Variants in TLX1 observed in about 807,000 individuals in gnomAD.
The protein encoded by TLX1 is T-cell leukemia homeobox protein 1.
Under a neutral mutation model 26.5 loss-of-function variants are expected in TLX1, and 6 were observed. That is an observed-to-expected ratio of 0.23 (90% CI 0.12 to 0.45). The LOEUF (loss-of-function observed/expected upper bound fraction) is 0.45, where lower values mean the gene tolerates loss of function less well. Among genes scored for constraint, TLX1 ranks in the 20% least tolerant of loss-of-function variants. TLX1 has a pLI of 0.99. For missense variants in TLX1, 418 were observed against 482.6 expected (o/e 0.87, Z 1.25); for synonymous variants, 217 against 219.7 (o/e 0.99, Z 0.11).
In TLX1 at chr10:101,136,774, A is replaced by G; in HGVS notation, c.854A>G (p.Lys285Arg). The G allele has an allele frequency of 6.2e-7, 1 of 1,613,408 alleles. No individual in the cohort carries two copies. Among genetic ancestry groups the G allele is most frequent in the Non-Finnish European group, 8.5e-7 (1 of 1,180,018 alleles). Residue 285 changes from lysine (K) to arginine (R), a missense_variant, in exon 3 of 3, where the codon AAG becomes AGG. By Grantham distance (26) the Lys-to-Arg change is conservative (BLOSUM62 2). Coordinates refer to ENST00000370196, the MANE Select transcript of TLX1 (RefSeq NM_005521.4). ...CAGTTGCAGCAGGAGGCCTTCCAGA[A>G]GAGCCTGGCACAGCCGCTGCCCGCT... is the stretch of plus-strand genomic sequence containing the variant. ...LLQLQQEAFQKSLAQPLPADP... is the reference protein window; with the variant it reads ...LLQLQQEAFQRSLAQPLPADP...
In TLX1 at chr10:101,132,808, C is replaced by G. The variant is rs984253323; in HGVS notation, c.568+699C>G. On this transcript the variant is annotated intron_variant, in intron 1 of 2. Coordinates refer to ENST00000370196, the MANE Select transcript of TLX1 (RefSeq NM_005521.4). The surrounding 1 kb of genome is among the most constrained non-coding windows in gnomAD (Gnocchi z 4.1). ...TGTTATCTTGGGCACGAACAATGCA[C>G]CGGTAGGCTGGTGATCGGTGGCGGG... 1 of 152,338 alleles carries G rather than the reference C, an allele frequency of 6.6e-6. No individual in the cohort carries two copies. The highest frequency in any genetic ancestry group is 1.5e-5 in the Non-Finnish European group (1 of 68,126). The allele number at this position is 152,338 out of a possible 1,614,324, so 9.4% of individuals were successfully genotyped here.
chr10:101,131,655 G>T lies in TLX1; in HGVS notation c.114G>T (p.Ser38=). ...AGGGTGGCTGCATGGGACCCGCCTC[G>T]CGCCTCCAGGACGGAGAATACGGCC... ...PDQGGCMGPA[S]RLQDGEYGLG... Residue 38 remains serine, a synonymous_variant, in exon 1 of 3, where the codon TCG becomes TCT. Transcript: ENST00000370196. 6.4e-7 allele frequency: 1 copy of T among 1,564,820 alleles called. No homozygotes were observed. Among genetic ancestry groups the T allele is most frequent in the Non-Finnish European group, 8.6e-7 (1 of 1,159,688 alleles).
In TLX1 at chr10:101,134,393, G is replaced by A. The variant is rs772250975; in HGVS notation, c.770+17G>A. 6.5e-7 allele frequency: 1 copy of A among 1,539,620 alleles called. No homozygotes were observed. The highest frequency in any genetic ancestry group is 8.7e-7 in the Non-Finnish European group (1 of 1,148,164). On this transcript the variant is annotated intron_variant, in intron 2 of 2. Transcript: ENST00000370196. The stretch of plus-strand genomic sequence containing the variant: ...AAAGTGGAGGTGAGCAAGCGGGGCG[G>A]GCCGGCCGCCCGCGAGCGGCGCGGT...
chr10:101,133,918 G>A (rs1462491507), intron 1 of TLX1, among the ~76,000 whole-genome samples: 3 of 152,266 alleles, frequency 2.0e-5, no homozygotes, highest in African/African-American at 7.2e-5. Context: ...GGAGCCCGGG[G>A]CCAGGGAGGC....
chr10:101,137,066 G>C lies in TLX1; in HGVS notation c.*153G>C. Reference sequence around the variant, plus strand: ...CCCGAAGGGCCCCCACATTTGTGCCGACACTGTTCTCCCTTCGGTGGAAGA... The same window carrying C: ...CCCGAAGGGCCCCCACATTTGTGCCCACACTGTTCTCCCTTCGGTGGAAGA... On this transcript the variant is annotated 3_prime_UTR_variant, in exon 3 of 3. Transcript: ENST00000370196. 2 of 1,002,868 alleles carry C rather than the reference G, an allele frequency of 2.0e-6. No homozygotes were observed. The highest frequency in any genetic ancestry group is 1.6e-5 in the African/African-American group (1 of 61,644). The allele number at this position is 1,002,868 out of a possible 1,614,324, so 62.1% of individuals were successfully genotyped here.
chr10:101,131,896 A>G lies in TLX1; in HGVS notation c.355A>G (p.Ser119Gly), dbSNP rs541031201. The stretch of plus-strand genomic sequence containing the variant: ...CCCCGGTCCTGGCGGCGGCGGCGGC[A>G]GCAGCGGCGGTGCCGGGGCACTCAG... ...GGPGPGGGGG[S>G]SGGAGALSAA... Residue 119 changes from serine to glycine, a missense_variant, in exon 1 of 3, where the codon AGC (serine) becomes GGC (glycine). Around this residue, in one of 3 missense-constraint regions of TLX1, gnomAD observed 322 missense variants for 344.6 expected, o/e 0.93. Coordinates refer to ENST00000370196, the MANE Select transcript of TLX1 (RefSeq NM_005521.4). 200 of 1,395,198 alleles carry G rather than the reference A, an allele frequency of 1.4e-4. No homozygotes were observed. In the East Asian group the frequency reaches 1.9e-3, roughly 13 times the overall value. The allele number at this position is 1,395,198 out of a possible 1,614,324, so 86.4% of individuals were successfully genotyped here. A position where few individuals can be genotyped will look rare whatever the true frequency, so the allele number is the denominator to read the frequency against.
Position 101,137,498 on chromosome 10 carries a change from C to A in TLX1, c.*585C>A. 1 of 237,820 alleles carries A rather than the reference C, an allele frequency of 4.2e-6. No individual in the cohort carries two copies. Among genetic ancestry groups the A allele is most frequent in the Non-Finnish European group, 8.3e-6 (1 of 120,968 alleles). The allele number at this position is 237,820 out of a possible 1,614,324, so 14.7% of individuals were successfully genotyped here. A position where few individuals can be genotyped will look rare whatever the true frequency, so the allele number is the denominator to read the frequency against. On this transcript the variant is annotated 3_prime_UTR_variant, in exon 3 of 3. Transcript: ENST00000370196. The stretch of plus-strand genomic sequence containing the variant: ...GACTCATCCTGAACAGCATGGCACT[C>A]CCTCCAGCACAAACACAAGGTCATG...
At position 101,132,128 on chromosome 10, in the gene TLX1, C is replaced by T; in HGVS notation, c.568+19C>T. On this transcript the variant is annotated intron_variant, in intron 1 of 2. Coordinates refer to ENST00000370196, the MANE Select transcript of TLX1 (RefSeq NM_005521.4). The surrounding 1 kb of genome is among the most constrained non-coding windows in gnomAD (Gnocchi z 4.1). Reference sequence around the variant, plus strand: ...TTCACAGGTGAGTCCGGCCCGCGCGCTCCCCGCCTGGCCGCGGCCCGGGCT... The same window carrying T: ...TTCACAGGTGAGTCCGGCCCGCGCGTTCCCCGCCTGGCCGCGGCCCGGGCT... 7.5e-7 allele frequency: 1 copy of T among 1,337,634 alleles called. No homozygotes were observed. Among genetic ancestry groups the T allele is most frequent in the Non-Finnish European group, 9.6e-7 (1 of 1,045,754 alleles). 82.9% of individuals were successfully genotyped at this position (1,337,634 alleles called of 1,614,324 possible). A position where few individuals can be genotyped will look rare whatever the true frequency, so the allele number is the denominator to read the frequency against.
Position 101,131,389 on chromosome 10 carries a change from C to G in TLX1, c.-153C>G, listed in dbSNP as rs1019968633. On this transcript the variant is annotated 5_prime_UTR_variant, in exon 1 of 3. Coordinates refer to ENST00000370196, the MANE Select transcript of TLX1 (RefSeq NM_005521.4). ...AATACGGCGCCCCCTCTCTCCCTCC[C>G]CTCCCCCTTCTACTTTAGCCTTTCT... 6.5e-6 allele frequency: 3 copies of G among 464,938 alleles called. No homozygotes were observed. Among genetic ancestry groups the G allele is most frequent in the Admixed American group, 4.3e-5 (1 of 23,010 alleles). The allele number at this position is 464,938 out of a possible 1,614,324, so 28.8% of individuals were successfully genotyped here.
Position 101,132,231 on chromosome 10 carries a change from TCC to T in TLX1, c.568+126_568+127del. The T allele has an allele frequency of 1.1e-6, 1 of 912,566 alleles. No individual in the cohort carries two copies. The highest frequency in any genetic ancestry group is 1.4e-6 in the Non-Finnish European group (1 of 689,922). 56.5% of individuals were successfully genotyped at this position (912,566 alleles called of 1,614,324 possible). On this transcript the variant is annotated intron_variant, in intron 1 of 2. Transcript: ENST00000370196. The surrounding 1 kb of genome is among the most constrained non-coding windows in gnomAD (Gnocchi z 4.1). ...AGGTCGCCCAGCTCTTCTTGGTGCT[TCC>T]CCCAAGTTGAGCCGCCCGCCCGATT...
At position 101,131,956 on chromosome 10, in the gene TLX1, C is replaced by T; in HGVS notation, c.415C>T (p.Pro139Ser). 6.7e-7 allele frequency: 1 copy of T among 1,485,168 alleles called. No individual in the cohort carries two copies. 92.0% of individuals were successfully genotyped at this position (1,485,168 alleles called of 1,614,324 possible). ...AGVIRVPAHRPLAGAVAHPQP... is the reference protein window; with the variant it reads ...AGVIRVPAHRSLAGAVAHPQP... ...GGTAATCCGGGTGCCGGCACACAGG[C>T]CGCTCGCCGGAGCCGTGGCCCACCC... The change falls in exon 1 of 3, where the codon CCG becomes TCG. Residue 139 changes from proline to serine, a missense_variant. Coordinates refer to ENST00000370196, the MANE Select transcript of TLX1 (RefSeq NM_005521.4).
chr10:101,131,884 G>A lies in TLX1; in HGVS notation c.343G>A (p.Gly115Ser), dbSNP rs1367545732. 2.9e-6 allele frequency: 4 copies of A among 1,398,134 alleles called. No individual in the cohort carries two copies. Among genetic ancestry groups the A allele is most frequent in the Admixed American group, 3.5e-5 (1 of 28,396 alleles). 86.6% of individuals were successfully genotyped at this position (1,398,134 alleles called of 1,614,324 possible). Residue 115 changes from glycine (G) to serine (S), a missense_variant, in exon 1 of 3, where the codon GGC becomes AGC. Coordinates refer to ENST00000370196, the MANE Select transcript of TLX1 (RefSeq NM_005521.4). Reference sequence around the variant, plus strand: ...CTTGGCAGGCGGCCCCGGTCCTGGCGGCGGCGGCGGCAGCAGCGGCGGTGC... The same window carrying A: ...CTTGGCAGGCGGCCCCGGTCCTGGCAGCGGCGGCGGCAGCAGCGGCGGTGC... ...MALAGGPGPGGGGGSSGGAGA... is the reference protein window; with the variant it reads ...MALAGGPGPGSGGGSSGGAGA...
intron 2 of TLX1, chr10:101,135,253 T>A (rs1398073503): frequency 6.6e-6 from 1 of 152,230 alleles, no homozygotes; most frequent in African/African-American, 2.4e-5. Flanking sequence ...TCAGGCCCCA[T>A]GGGGTAGCGC....
intron 2 of TLX1, among the ~76,000 whole-genome samples, chr10:101,136,118 G>A (rs1940289059): frequency 1.3e-5 from 2 of 152,210 alleles, no homozygotes; most frequent in Non-Finnish European, 2.9e-5. Flanking sequence ...GTGAGTCATC[G>A]CCTCCCTGAA....
chr10:101,136,791 C>G lies in TLX1; in HGVS notation c.871C>G (p.Leu291Val). Residue 291 changes from leucine to valine, a missense_variant, in exon 3 of 3, where the codon CTG (leucine) becomes GTG (valine). Coordinates refer to ENST00000370196, the MANE Select transcript of TLX1 (RefSeq NM_005521.4). ...CTTCCAGAAGAGCCTGGCACAGCCG[C>G]TGCCCGCTGACCCTCTGTGCGTGCA... ...EAFQKSLAQP[L>V]PADPLCVHNS... 1 of 1,613,542 alleles carries G rather than the reference C, an allele frequency of 6.2e-7. No homozygotes were observed. The highest frequency in any genetic ancestry group is 8.5e-7 in the Non-Finnish European group (1 of 1,180,026).
At position 101,136,860 on chromosome 10, in the gene TLX1, G is replaced by A. The variant is rs753431327; in HGVS notation, c.940G>A (p.Asp314Asn). The change falls in exon 3 of 3, where the codon GAC becomes AAC. Residue 314 changes from aspartate to asparagine, a missense_variant. Physicochemically the swap from Asp to Asn is conservative, Grantham distance 23 (BLOSUM62 1). Transcript: ENST00000370196. ...FALQNLQPWS[D>N]DSTKITSVTS... The stretch of plus-strand genomic sequence containing the variant: ...CCTGCAGAATCTGCAGCCGTGGTCT[G>A]ACGACTCGACCAAAATCACTAGCGT... 1.1e-5 allele frequency: 17 copies of A among 1,613,366 alleles called. No homozygotes were observed. The highest frequency in any genetic ancestry group is 1.3e-5 in the Non-Finnish European group (15 of 1,180,040).
At chr10:101,134,934 G>C (rs981014829) in intron 2 of TLX1, among the ~76,000 whole-genome samples, 23 of 152,244 alleles carry the variant, frequency 1.5e-4, no homozygotes, top group Admixed American at 7.8e-4. Flanking sequence ...AATCCGCGCC[G>C]GCTGCGGCGG....
chr10:101,132,747 C>T lies in TLX1; in HGVS notation c.568+638C>T, dbSNP rs1417544510. On this transcript the variant is annotated intron_variant, in intron 1 of 2. Coordinates refer to ENST00000370196, the MANE Select transcript of TLX1 (RefSeq NM_005521.4). This position sits in a 1 kb window ranked among gnomAD's most constrained non-coding sequence, Gnocchi z 4.1. ...GGACAGCTAGCTTTTCATTTTCGTT[C>T]TCTCCCGGCTGGGTGTCCTACCCCG... The T allele has an allele frequency of 6.6e-6, 1 of 151,820 alleles. No individual in the cohort carries two copies. Among genetic ancestry groups the T allele is most frequent in the Admixed American group, 6.6e-5 (1 of 15,244 alleles). 9.4% of individuals were successfully genotyped at this position (151,820 alleles called of 1,614,324 possible).
chr10:101,136,832 C>A lies in TLX1; in HGVS notation c.912C>A (p.Phe304Leu). The change falls in exon 3 of 3, where the codon TTC (phenylalanine) becomes TTA (leucine). Residue 304 changes from phenylalanine (F) to leucine (L), a missense_variant. By Grantham distance (22) the Phe-to-Leu change is conservative. Coordinates refer to ENST00000370196, the MANE Select transcript of TLX1 (RefSeq NM_005521.4). ...DPLCVHNSSL[F>L]ALQNLQPWSD... ...TGTGCGTGCACAACTCGTCGCTCTTCGCCCTGCAGAATCTGCAGCCGTGGT... is the reference window on the plus strand; with the variant it reads ...TGTGCGTGCACAACTCGTCGCTCTTAGCCCTGCAGAATCTGCAGCCGTGGT... The A allele has an allele frequency of 6.2e-7, 1 of 1,613,750 alleles. No homozygotes were observed. The highest frequency in any genetic ancestry group is 1.3e-5 in the African/African-American group (1 of 75,072).
Sources: allele counts gnomAD v4.1 joint callset (sites outside exome capture counted in the v4.1 genomes callset), GRCh38; gene constraint gnomAD v4.1.1; regional missense constraint gnomAD v4.1.1; non-coding constraint Gnocchi (gnomAD v3.1); transcripts MANE v1.5; gene names NCBI Gene and HGNC (gene_info 2026-07-23, HGNC 2026-07-21).